Variants in RFTN1 observed in about 807,000 individuals in gnomAD.
The protein encoded by RFTN1 is raftlin.
In RFTN1, 26 loss-of-function variants were observed where a neutral mutation model predicts 46.5. The ratio of observed to expected loss-of-function variants is 0.56; its 90% confidence interval spans 0.41 to 0.78. The LOEUF is 0.78. RFTN1 is among the 30% of genes least tolerant of loss of function. RFTN1 has a pLI of 0.00. For missense variants in RFTN1, 693 were observed against 718.7 expected, an observed-to-expected ratio of 0.96 and a Z score of 0.41; for synonymous variants, 261 against 284.2, an observed-to-expected ratio of 0.92 and a Z score of 0.82.
At chr3:16,445,771 T>G (rs1196783017) in intron 2 of RFTN1, among the ~76,000 whole-genome samples, 1 of 152,162 alleles carries the variant, frequency 6.6e-6, no homozygotes, top group East Asian at 1.9e-4. Context: ...TCTTTTTACC[T>G]TTTAAAAATG....
intron 4 of RFTN1, among the ~76,000 whole-genome samples, chr3:16,404,336 ATATATAT>A (rs2074786869): frequency 3.1e-5 from 1 of 32,302 alleles, no homozygotes; most frequent in Non-Finnish European, 5.5e-5. Context: ...ATAATATATA[ATATATAT>A]AATATATAAT....
At position 16,433,956 on chromosome 3, in the gene RFTN1, C is replaced by A; in HGVS notation, c.227G>T (p.Gly76Val). The A allele has an allele frequency of 3.1e-6, 5 of 1,614,080 alleles. No homozygotes were observed. Among genetic ancestry groups the A allele is most frequent in the Non-Finnish European group, 3.4e-6 (4 of 1,180,014 alleles). ...PAQLLELYQQ[G>V]FSLAALHPFV... ...GGGGTGCAGGGCCGCCAGCGAGAAG[C>A]CCTGCTGGTACAGCTCCAGGAGCTG... is the stretch of plus-strand genomic sequence containing the variant. Residue 76 changes from glycine (G) to valine (V), a missense_variant, in exon 3 of 10, where the codon GGC (glycine) becomes GTC (valine). Physicochemically the swap from Gly to Val is moderately radical, Grantham distance 109. Transcript: ENST00000334133. This position sits in a 1 kb window ranked among gnomAD's most constrained non-coding sequence, Gnocchi z 4.4.
At chr3:16,414,496 A>C (rs1235784000) in intron 3 of RFTN1, among the ~76,000 whole-genome samples, 1 of 151,724 alleles carries the variant, frequency 6.6e-6, no homozygotes, top group African/African-American at 2.4e-5. Context: ...AATTCCAGCT[A>C]CTTGGGAGGC....
rs1306422899 is a variant in RFTN1, at chr3:16,329,744, T to C, written c.1147-2868A>G. On this transcript the variant is annotated intron_variant, in intron 7 of 9. Coordinates refer to ENST00000334133, the MANE Select transcript of RFTN1 (RefSeq NM_015150.2). The surrounding 1 kb of genome is among the most constrained non-coding windows in gnomAD (Gnocchi z 4.5). Reference sequence around the variant, plus strand: ...TTGCGAGGTTATGATTACTTGGGCCTATCAAGAATAACCTTCCCACTTTAT... The same window carrying C: ...TTGCGAGGTTATGATTACTTGGGCCCATCAAGAATAACCTTCCCACTTTAT... Among the ~76,000 whole-genome samples, 1 of 152,108 alleles carries C rather than the reference T, an allele frequency of 6.6e-6. No homozygotes were observed. The highest frequency in any genetic ancestry group is 2.4e-5 in the African/African-American group (1 of 41,410).
chr3:16,396,564 A>G (rs2074474383), intron 4 of RFTN1, among the ~76,000 whole-genome samples: 2 of 152,246 alleles, frequency 1.3e-5, no homozygotes, highest in African/African-American at 4.8e-5. Flanking sequence ...GAGTGAAAAA[A>G]GAGAGGAGGG....
At position 16,512,893 on chromosome 3, in the gene RFTN1, G is replaced by C. The variant is rs1031137361; in HGVS notation, c.-9+549C>G. The stretch of plus-strand genomic sequence containing the variant: ...GCGCGCGGCATGTCTGCTCCTACAC[G>C]TCCAGCACCTCTGTCCCCAGAGCAA... On this transcript the variant is annotated intron_variant, in intron 1 of 9. Coordinates refer to ENST00000334133, the MANE Select transcript of RFTN1 (RefSeq NM_015150.2). This position sits in a 1 kb window ranked among gnomAD's most constrained non-coding sequence, Gnocchi z 4.3. 1.3e-5 allele frequency: 2 copies of C among 152,204 alleles called. No homozygotes were observed. The highest frequency in any genetic ancestry group is 4.8e-5 in the African/African-American group (2 of 41,386). 9.4% of individuals were successfully genotyped at this position (152,204 alleles called of 1,614,324 possible). A position where few individuals can be genotyped will look rare whatever the true frequency, so the allele number is the denominator to read the frequency against.
At chr3:16,347,248 C>T (rs1220775761) in intron 7 of RFTN1, among the ~76,000 whole-genome samples, 2 of 152,224 alleles carry the variant, frequency 1.3e-5, no homozygotes, top group African/African-American at 2.4e-5. Context: ...CTGTCAAGGA[C>T]ACCCTACAGG....
Position 16,321,721 on chromosome 3 carries a change from C to T in RFTN1, c.1332+1655G>A, listed in dbSNP as rs2069081243. ...AGGTACATGGAAAGAGAAAGCAGTCCACCCAGATGAGTACAGCTGCTTGGG... is the reference window on the plus strand; with the variant it reads ...AGGTACATGGAAAGAGAAAGCAGTCTACCCAGATGAGTACAGCTGCTTGGG... On this transcript the variant is annotated intron_variant, in intron 9 of 9. Transcript: ENST00000334133. The surrounding 1 kb of genome is among the most constrained non-coding windows in gnomAD (Gnocchi z 4.8). 6.6e-6 allele frequency among the ~76,000 whole-genome samples: 1 copy of T among 152,208 alleles called. No homozygotes were observed. Among genetic ancestry groups the T allele is most frequent in the Admixed American group, 6.5e-5 (1 of 15,284 alleles).
Position 16,502,437 on chromosome 3 carries a change from C to A in RFTN1, c.-8-8560G>T, listed in dbSNP as rs967842570. On this transcript the variant is annotated intron_variant, in intron 1 of 9. Transcript: ENST00000334133. ...AGAAAAGAAAACAATAAGGATATCA[C>A]AGCCAGCCTCCAGGACGACCCTCAG... Among the ~76,000 whole-genome samples the A allele has an allele frequency of 2.6e-4, 40 of 151,786 alleles. 1 individual carries two copies. Among genetic ancestry groups the A allele is most frequent in the African/African-American group, 9.4e-4 (39 of 41,298 alleles).
In RFTN1 at chr3:16,422,822, G is replaced by T. The variant is rs949267588; in HGVS notation, c.332+11029C>A. Reference sequence around the variant, plus strand: ...GGCATTTATTCAATGGCAAAGTTAGGTTAACTTAATAAGTGCTCTTGGCAA... The same window carrying T: ...GGCATTTATTCAATGGCAAAGTTAGTTTAACTTAATAAGTGCTCTTGGCAA... On this transcript the variant is annotated intron_variant, in intron 3 of 9. Coordinates refer to ENST00000334133, the MANE Select transcript of RFTN1 (RefSeq NM_015150.2). This position sits in a 1 kb window ranked among gnomAD's most constrained non-coding sequence, Gnocchi z 4.6. Among the ~76,000 whole-genome samples, 3 of 152,098 alleles carry T rather than the reference G, an allele frequency of 2.0e-5. No individual in the cohort carries two copies. Among genetic ancestry groups the T allele is most frequent in the African/African-American group, 7.2e-5 (3 of 41,418 alleles).
chr3:16,384,157 G>T lies in RFTN1; in HGVS notation c.442-6055C>A, dbSNP rs908659026. ...ACTGCAACACAGAAATTCTCCCTGG[G>T]TTTTCTCCCCTTCAAACTCAAAGAC... On this transcript the variant is annotated intron_variant, in intron 4 of 9. Coordinates refer to ENST00000334133, the MANE Select transcript of RFTN1 (RefSeq NM_015150.2). The surrounding 1 kb of genome is among the most constrained non-coding windows in gnomAD (Gnocchi z 4.7). Among the ~76,000 whole-genome samples the T allele has an allele frequency of 3.3e-5, 5 of 152,122 alleles. No individual in the cohort carries two copies. Among genetic ancestry groups the T allele is most frequent in the African/African-American group, 1.2e-4 (5 of 41,410 alleles).
chr3:16,501,311 C>A (rs1396540427), intron 1 of RFTN1, among the ~76,000 whole-genome samples: 2 of 151,964 alleles, frequency 1.3e-5, no homozygotes, highest in African/African-American at 4.8e-5. Flanking sequence ...CCCACGATGC[C>A]CATAAAAAGA....
chr3:16,392,122 C>T (rs2074366119), intron 4 of RFTN1, among the ~76,000 whole-genome samples: 1 of 152,168 alleles, frequency 6.6e-6, no homozygotes, highest in South Asian at 2.1e-4. Context: ...CATCTTCAGC[C>T]CTGCTGACTC....
chr3:16,482,348 T>C (rs991232621), intron 2 of RFTN1, among the ~76,000 whole-genome samples: 3 of 152,208 alleles, frequency 2.0e-5, no homozygotes, highest in Non-Finnish European at 4.4e-5. Flanking sequence ...AAGACAATGC[T>C]CAACCACTCA....
intron 2 of RFTN1, among the ~76,000 whole-genome samples, chr3:16,491,711 C>T (rs2124989148): frequency 6.6e-6 from 1 of 151,960 alleles, no homozygotes; most frequent in African/African-American, 2.4e-5. Flanking sequence ...AGCAAAGTTA[C>T]TCTTCGTCAT....
chr3:16,359,626 AGTT>A (rs1343612145), intron 6 of RFTN1, among the ~76,000 whole-genome samples: 3 of 152,180 alleles, frequency 2.0e-5, no homozygotes, highest in Non-Finnish European at 4.4e-5. Context: ...CAGAAACTGA[AGTT>A]GTGGGAACCT....
chr3:16,320,962 A>C lies in RFTN1; in HGVS notation c.1332+2414T>G, dbSNP rs1345177377. 6.6e-6 allele frequency among the ~76,000 whole-genome samples: 1 copy of C among 152,228 alleles called. No individual in the cohort carries two copies. Among genetic ancestry groups the C allele is most frequent in the African/African-American group, 2.4e-5 (1 of 41,462 alleles). On this transcript the variant is annotated intron_variant, in intron 9 of 9. Transcript: ENST00000334133. This position sits in a 1 kb window ranked among gnomAD's most constrained non-coding sequence, Gnocchi z 4.5. Reference sequence around the variant, plus strand: ...AATAGGGAACCTATTTGAAGGGGATATCTATTATTAGGAGATTAGAATAGC... The same window carrying C: ...AATAGGGAACCTATTTGAAGGGGATCTCTATTATTAGGAGATTAGAATAGC...
Position 16,329,277 on chromosome 3 carries a change from T to C in RFTN1, c.1147-2401A>G, listed in dbSNP as rs1006002050. 2.0e-5 allele frequency among the ~76,000 whole-genome samples: 3 copies of C among 152,090 alleles called. No homozygotes were observed. Among genetic ancestry groups the C allele is most frequent in the African/African-American group, 7.2e-5 (3 of 41,400 alleles). On this transcript the variant is annotated intron_variant, in intron 7 of 9. Coordinates refer to ENST00000334133, the MANE Select transcript of RFTN1 (RefSeq NM_015150.2). The surrounding 1 kb of genome is among the most constrained non-coding windows in gnomAD (Gnocchi z 4.5). Reference sequence around the variant, plus strand: ...GGAGCCAAGAACTGTCTGTCCTTTATAAATTGCCTGATCTCAGGTATCCTG... The same window carrying C: ...GGAGCCAAGAACTGTCTGTCCTTTACAAATTGCCTGATCTCAGGTATCCTG...
In RFTN1 at chr3:16,361,089, T is replaced by C. The variant is rs1452288844; in HGVS notation, c.1031-3042A>G. Among the ~76,000 whole-genome samples, 1 of 152,244 alleles carries C rather than the reference T, an allele frequency of 6.6e-6. No homozygotes were observed. Among genetic ancestry groups the C allele is most frequent in the Admixed American group, 6.5e-5 (1 of 15,288 alleles). On this transcript the variant is annotated intron_variant, in intron 6 of 9. Transcript: ENST00000334133. The surrounding 1 kb of genome is among the most constrained non-coding windows in gnomAD (Gnocchi z 4.3). ...ACAACACAAATGACAAAGAATTTCCTTTTTCTCTCCTCTACAAGGCTCTTG... is the reference window on the plus strand; with the variant it reads ...ACAACACAAATGACAAAGAATTTCCCTTTTCTCTCCTCTACAAGGCTCTTG...
Sources: allele counts gnomAD v4.1 joint callset (sites outside exome capture counted in the v4.1 genomes callset), GRCh38; gene constraint gnomAD v4.1.1; non-coding constraint Gnocchi (gnomAD v3.1); transcripts MANE v1.5; gene names NCBI Gene and HGNC (gene_info 2026-07-23, HGNC 2026-07-21).